Variants in NDC1 observed in about 807,000 individuals in gnomAD.
The protein encoded by NDC1 is nucleoporin NDC1.
In NDC1, 24 loss-of-function variants were observed where a neutral mutation model predicts 89.8. The observed-to-expected ratio is 0.27, with a 90% CI of 0.19 to 0.38. The LOEUF (loss-of-function observed/expected upper bound fraction) is 0.38. Among genes scored for constraint, NDC1 ranks in the 10% least tolerant of loss-of-function variants. NDC1 has a pLI of 1.00. For synonymous variants in NDC1, 296 were observed against 284.8 expected (o/e 1.04, Z -0.39); for missense variants, 728 against 797.6 (o/e 0.91, Z 1.05).
intron 6 of NDC1, among the ~76,000 whole-genome samples, chr1:53,815,735 A>C (rs1381373994): frequency 1.8e-4 from 27 of 152,240 alleles, no homozygotes; most frequent in Admixed American, 1.8e-3. Context: ...CCTAGAACTG[A>C]TAAAAGAATT....
chr1:53,823,660 T>G (rs769120988), intron 5 of NDC1, among the ~76,000 whole-genome samples: 1 of 152,228 alleles, frequency 6.6e-6, no homozygotes, highest in Non-Finnish European at 1.5e-5. Context: ...ATTCTTAATT[T>G]TGTTAGAATC....
intron 11 of NDC1, among the ~76,000 whole-genome samples, chr1:53,798,785 C>A (rs1327151910): frequency 6.6e-6 from 1 of 152,088 alleles, no homozygotes; most frequent in Non-Finnish European, 1.5e-5. Context: ...AAACTCCTGA[C>A]CTCAAATGAT....
At chr1:53,797,432 TTGAA>T (rs1647757382) in intron 11 of NDC1, among the ~76,000 whole-genome samples, 1 of 152,216 alleles carries the variant, frequency 6.6e-6, no homozygotes, top group Non-Finnish European at 1.5e-5. Flanking sequence ...CTAAGCAATT[TTGAA>T]TGAACTCATC....
chr1:53,793,465 G>A (rs554357606), intron 13 of NDC1, among the ~76,000 whole-genome samples, 186 bp from the exon 14 acceptor site: 4 of 152,120 alleles, frequency 2.6e-5, no homozygotes, highest in Non-Finnish European at 5.9e-5. Context: ...CTACAAATTG[G>A]ACAACCAAGA....
chr1:53,809,771 T>C (rs377325732), intron 6 of NDC1, 25 bp from the exon 7 acceptor site: 3 of 1,601,016 alleles, frequency 1.9e-6, no homozygotes, highest in Admixed American at 1.7e-5. Flanking sequence ...TACCAAGCTA[T>C]GAACATAAAA....
rs756348586 is a variant in NDC1 at position 53,809,761 on chromosome 1, T to C, written c.704-15A>G. The C allele has an allele frequency of 5.0e-6, 8 of 1,607,658 alleles. No homozygotes were observed. The highest frequency in any genetic ancestry group is 4.5e-5 in the East Asian group (2 of 44,706). The stretch of plus-strand genomic sequence containing the variant: ...GGGAATATAGCCTGAAGGGAAAAAA[T>C]ACCAAGCTATGAACATAAAAAGTTA... On this transcript the variant is annotated splice_polypyrimidine_tract_variant and intron_variant, in intron 6 of 17. Coordinates refer to ENST00000371429, the MANE Select transcript of NDC1 (RefSeq NM_018087.5).
intron 16 of NDC1, 53 bp from the exon 17 acceptor site, chr1:53,772,542 G>C: frequency 6.4e-7 from 1 of 1,564,706 alleles, no homozygotes; most frequent in Non-Finnish European, 8.7e-7. Context: ...AGCCAACCTA[G>C]GCCAGGTGCT....
chr1:53,787,868 A>T (rs76982732), intron 15 of NDC1, among the ~76,000 whole-genome samples: 23 of 6,642 alleles, frequency 3.5e-3, no homozygotes, highest in African/African-American at 0.011. Flanking sequence ...CAGGAAATTA[A>T]AAAAAAAAAA....
chr1:53,791,935 T>C (rs1264173751), intron 14 of NDC1, among the ~76,000 whole-genome samples: 1 of 151,728 alleles, frequency 6.6e-6, no homozygotes, highest in African/African-American at 2.4e-5. Flanking sequence ...GTGAGTTATT[T>C]TCCCCTTCTT....
Position 53,835,611 on chromosome 1 carries a change from A to G in NDC1, c.67T>C (p.Trp23Arg), listed in dbSNP as rs202217135. 8.0e-4 allele frequency: 1,282 copies of G among 1,610,040 alleles called. 19 individuals carry two copies. The South Asian group carries it at 0.011, about 14-fold the overall frequency. Residue 23 changes from tryptophan to arginine, a missense_variant, in exon 2 of 18, where the codon TGG becomes CGG. By Grantham distance (101) the Trp-to-Arg change is moderately radical. Coordinates refer to ENST00000371429, the MANE Select transcript of NDC1 (RefSeq NM_018087.5). ...CAAACAATACTTGCAACTATCCTCCAGCCCAAAACCTATAAACAAAAAGAA... is the reference window on the plus strand; with the variant it reads ...CAAACAATACTTGCAACTATCCTCCGGCCCAAAACCTATAAACAAAAAGAA... Reference protein sequence around the residue: ...SRDILWRVLGWRIVASIVWSV... With the variant: ...SRDILWRVLGRRIVASIVWSV...
At chr1:53,826,896 A>G (rs1296161405) in intron 4 of NDC1, among the ~76,000 whole-genome samples, 2 of 152,194 alleles carry the variant, frequency 1.3e-5, no homozygotes, top group Admixed American at 1.3e-4. Context: ...ATCAGGAAAT[A>G]TATTTGTAAT....
intron 6 of NDC1, among the ~76,000 whole-genome samples, chr1:53,817,889 TTAA>T (rs1648531969): frequency 6.6e-6 from 1 of 152,282 alleles, no homozygotes; most frequent in Admixed American, 6.5e-5. Context: ...GCTAACAAGA[TTAA>T]TGTTTTCACC....
chr1:53,810,875 A>G (rs1421968417), intron 6 of NDC1, among the ~76,000 whole-genome samples: 1 of 152,226 alleles, frequency 6.6e-6, no homozygotes, highest in Non-Finnish European at 1.5e-5. Flanking sequence ...ACCAGCAATC[A>G]CAAGAGGACC....
At chr1:53,777,194 T>A (rs988972142) in intron 16 of NDC1, among the ~76,000 whole-genome samples, 19 of 152,204 alleles carry the variant, frequency 1.2e-4, no homozygotes, top group East Asian at 1.9e-4. Context: ...TAATTTTTTT[T>A]AAAACTTTTT....
chr1:53,772,092 T>C (rs1181197), intron 17 of NDC1, among the ~76,000 whole-genome samples: 2,288 of 152,230 alleles, frequency 0.015, 63 homozygotes, highest in African/African-American at 0.052. Context: ...ATTAATCTGC[T>C]GCATTTATAA....
intron 16 of NDC1, among the ~76,000 whole-genome samples, chr1:53,780,982 T>C (rs1256913883): frequency 6.6e-6 from 1 of 151,898 alleles, no homozygotes; most frequent in Non-Finnish European, 1.5e-5. Flanking sequence ...GCCTCCCAAG[T>C]AGCTGGAACT....
intron 2 of NDC1, among the ~76,000 whole-genome samples, chr1:53,835,164 C>A (rs1052580480): frequency 8.5e-5 from 13 of 152,140 alleles, no homozygotes; most frequent in African/African-American, 2.9e-4. Flanking sequence ...AATTTCGAAT[C>A]GATGACAGGA....
At chr1:53,782,130 A>G (rs1302295778) in intron 16 of NDC1, among the ~76,000 whole-genome samples, 3 of 152,150 alleles carry the variant, frequency 2.0e-5, no homozygotes, top group Admixed American at 6.5e-5. Context: ...AAAAAAGGAA[A>G]GAAAAGGCAG....
At position 53,803,944 on chromosome 1, in the gene NDC1, G is replaced by T. The variant is rs1353221909; in HGVS notation, c.1050C>A (p.Phe350Leu). 1.9e-6 allele frequency: 3 copies of T among 1,613,666 alleles called. No homozygotes were observed. The highest frequency in any genetic ancestry group is 2.5e-6 in the Non-Finnish European group (3 of 1,179,566). ...TAGCAATACCTGGTTGGCTGAGGCT[G>T]AAAACTTCTTGTCTTCGTGAAGGAG... ...QYSPSRRQEV[F>L]SLSQPGGHPH... The change falls in exon 10 of 18, where the codon TTC becomes TTA. Residue 350 changes from phenylalanine to leucine, a missense_variant. By Grantham distance (22) the Phe-to-Leu change is conservative (BLOSUM62 0). Coordinates refer to ENST00000371429, the MANE Select transcript of NDC1 (RefSeq NM_018087.5).
Sources: allele counts gnomAD v4.1 joint callset (sites outside exome capture counted in the v4.1 genomes callset), GRCh38; gene constraint gnomAD v4.1.1; transcripts MANE v1.5; gene names NCBI Gene and HGNC (gene_info 2026-07-23, HGNC 2026-07-21).